The following COG5 variants were observed in gnomAD, a reference collection of about 807,000 sequenced individuals.
COG5 encodes component of oligomeric golgi complex 5.
COG5 carries 86 observed loss-of-function variants against 110.4 expected under a neutral mutation model. The observed-to-expected ratio is 0.78, with a 90% CI of 0.65 to 0.93. COG5 has a LOEUF of 0.93. Ranked by LOEUF, COG5 falls within the 40% of genes least tolerant of loss-of-function variation. The pLI is 0.00. For synonymous variants in COG5, 360 were observed against 334.6 expected, an observed-to-expected ratio of 1.08 and a Z score of -0.83; for missense variants, 1,077 against 987.0, an observed-to-expected ratio of 1.09 and a Z score of -1.22.
intron 5 of COG5, among the ~76,000 whole-genome samples, chr7:107,540,580 A>AAAAT (rs1311910106): frequency 1.3e-5 from 2 of 150,846 alleles, no homozygotes; most frequent in Non-Finnish European, 3.0e-5. Flanking sequence ...CCTGTCTCAA[A>AAAAT]AAATAAATAA....
intron 21 of COG5, among the ~76,000 whole-genome samples, chr7:107,204,637 ACTAAT>A (rs1239141002): frequency 6.6e-6 from 1 of 152,218 alleles, no homozygotes; most frequent in Non-Finnish European, 1.5e-5. Flanking sequence ...TACTGAAAAT[ACTAAT>A]CTAATTGGGT....
intron 10 of COG5, among the ~76,000 whole-genome samples, chr7:107,351,831 G>A (rs527480284): frequency 1.3e-5 from 2 of 149,812 alleles, no homozygotes; most frequent in East Asian, 3.9e-4. Flanking sequence ...GAGAGGATGT[G>A]GAGAAATAGG....
At position 107,324,785 on chromosome 7, in the gene COG5, G is replaced by C. The variant is rs184074620; in HGVS notation, c.1027-264C>G. 7.2e-5 allele frequency among the ~76,000 whole-genome samples: 11 copies of C among 152,220 alleles called. 1 individual carries two copies. The highest frequency in any genetic ancestry group is 2.6e-4 in the African/African-American group (11 of 41,554). ...TGGGCATGTTGCTTAGCCATTCAGG[G>C]CCTTTGTTCTTCATATGAAAAATGG... On this transcript the variant is annotated intron_variant, in intron 10 of 21. Coordinates refer to ENST00000297135, the MANE Select transcript of COG5 (RefSeq NM_006348.5).
chr7:107,479,926 G>A (rs1797228895), intron 6 of COG5, among the ~76,000 whole-genome samples: 1 of 152,050 alleles, frequency 6.6e-6, no homozygotes, highest in South Asian at 2.1e-4. Context: ...TGTATATGAA[G>A]TGAAACACAC....
chr7:107,485,634 T>C (rs532685396), intron 6 of COG5, among the ~76,000 whole-genome samples: 16 of 152,198 alleles, frequency 1.1e-4, no homozygotes, highest in Admixed American at 2.0e-4. Context: ...CCAGTTACTA[T>C]AGTATACAAG....
intron 10 of COG5, among the ~76,000 whole-genome samples, chr7:107,341,054 A>T (rs1488711728): frequency 6.6e-6 from 1 of 152,178 alleles, no homozygotes; most frequent in African/African-American, 2.4e-5. Flanking sequence ...GAAAGAAAAA[A>T]TAGCATCCAA....
chr7:107,226,672 C>T lies in COG5; in HGVS notation c.2168+3943G>A, dbSNP rs546936066. 5.3e-5 allele frequency among the ~76,000 whole-genome samples: 8 copies of T among 152,334 alleles called. No homozygotes were observed. The South Asian group carries it at 1.0e-3, about 20-fold the overall frequency. ...ATGCTCACATCTCTCTTCTTCTCAT[C>T]TGATAGGACTGAAAACATTCTTTGT... On this transcript the variant is annotated intron_variant, in intron 19 of 21. Coordinates refer to ENST00000297135, the MANE Select transcript of COG5 (RefSeq NM_006348.5).
At chr7:107,499,893 A>C (rs1308574984) in intron 6 of COG5, among the ~76,000 whole-genome samples, 1 of 152,124 alleles carries the variant, frequency 6.6e-6, no homozygotes, top group Non-Finnish European at 1.5e-5. Context: ...AACATCCCCC[A>C]GCTCACTTCT....
At chr7:107,315,584 A>G (rs1460720773) in intron 11 of COG5, among the ~76,000 whole-genome samples, 2 of 151,810 alleles carry the variant, frequency 1.3e-5, no homozygotes, top group Non-Finnish European at 2.9e-5. Context: ...TTTTTAACTA[A>G]GCATGAACAT....
At position 107,414,703 on chromosome 7, in the gene COG5, C is replaced by CTTTTTTTTT. The variant is rs530323655; in HGVS notation, c.539-2080_539-2072dup. Among the ~76,000 whole-genome samples, 71 of 61,710 alleles carry CTTTTTTTTT rather than the reference C, an allele frequency of 1.2e-3. 21 individuals are homozygous for CTTTTTTTTT. Among genetic ancestry groups the CTTTTTTTTT allele is most frequent in the Non-Finnish European group, 2.2e-3 (59 of 26,224 alleles). The allele number at this position is 61,710 out of a possible 152,430, so 40.5% of individuals were successfully genotyped here. A position where few individuals can be genotyped will look rare whatever the true frequency, so the allele number is the denominator to read the frequency against. ...ATTGATTCCAAAATCCTCACTGTCC[C>CTTTTTTTTT]TTTTTTTTTTTTTTTTTTTTTTTTT... On this transcript the variant is annotated intron_variant, in intron 6 of 21. Transcript: ENST00000297135.
chr7:107,262,400 C>A (rs1803426934), intron 14 of COG5, among the ~76,000 whole-genome samples: 1 of 152,144 alleles, frequency 6.6e-6, no homozygotes, highest in Non-Finnish European at 1.5e-5. Flanking sequence ...GGATCCAGTG[C>A]AACTGTGGAG....
At chr7:107,475,664 A>G (rs930466501) in intron 6 of COG5, 3 of 219,832 alleles carry the variant, frequency 1.4e-5, no homozygotes, top group Non-Finnish European at 2.9e-5. Context: ...AAAACAGTGT[A>G]TAACTTTAAA....
intron 19 of COG5, among the ~76,000 whole-genome samples, chr7:107,211,763 T>C (rs558933491): frequency 7.9e-5 from 12 of 152,248 alleles, no homozygotes; most frequent in Non-Finnish European, 1.8e-4. Flanking sequence ...TCCCTTATAC[T>C]ATATTACATG....
intron 7 of COG5, among the ~76,000 whole-genome samples, chr7:107,388,257 T>C (rs1790351072): frequency 6.6e-6 from 1 of 152,230 alleles, no homozygotes; most frequent in Non-Finnish European, 1.5e-5. Context: ...TTTGGAAAAC[T>C]TAGATATGTA....
intron 11 of COG5, among the ~76,000 whole-genome samples, chr7:107,319,171 C>A (rs1417360848): frequency 6.6e-6 from 1 of 151,444 alleles, no homozygotes; most frequent in African/African-American, 2.4e-5. Flanking sequence ...GTGGAGGTTC[C>A]ATTTGATTCT....
chr7:107,301,432 A>T (rs1292735301), intron 11 of COG5, among the ~76,000 whole-genome samples: 2 of 152,238 alleles, frequency 1.3e-5, no homozygotes, highest in East Asian at 3.8e-4. Context: ...AACTTCAAAA[A>T]TGGGAACTTT....
In COG5 at chr7:107,415,912, A is replaced by G. The variant is rs868596185; in HGVS notation, c.539-3280T>C. On this transcript the variant is annotated intron_variant, in intron 6 of 21. Transcript: ENST00000297135. Reference sequence around the variant, plus strand: ...TACACACACATACACGTATGTATGTATGTGTGTGTATATACACACACATAC... The same window carrying G: ...TACACACACATACACGTATGTATGTGTGTGTGTGTATATACACACACATAC... Among the ~76,000 whole-genome samples the G allele has an allele frequency of 5.2e-4, 41 of 79,160 alleles. 5 individuals are homozygous for G. Among genetic ancestry groups the G allele is most frequent in the South Asian group, 2.7e-3 (8 of 3,002 alleles). The allele number at this position is 79,160 out of a possible 152,430, so 51.9% of individuals were successfully genotyped here.
chr7:107,456,460 G>C (rs1449049874), intron 6 of COG5, among the ~76,000 whole-genome samples: 1 of 152,116 alleles, frequency 6.6e-6, no homozygotes, highest in Non-Finnish European at 1.5e-5. Flanking sequence ...CTAAAATATA[G>C]CTTTCAGCTA....
chr7:107,370,502 TTGGC>T (rs1814041779), intron 8 of COG5, among the ~76,000 whole-genome samples: 1 of 151,884 alleles, frequency 6.6e-6, no homozygotes, highest in Admixed American at 6.6e-5. Flanking sequence ...TATAAAATAA[TTGGC>T]TGGGCGCGGT....
Sources: allele counts gnomAD v4.1 joint callset (sites outside exome capture counted in the v4.1 genomes callset), GRCh38; gene constraint gnomAD v4.1.1; transcripts MANE v1.5; gene names NCBI Gene and HGNC (gene_info 2026-07-23, HGNC 2026-07-21).